DLK1: variants seen among roughly 807,000 people sequenced by gnomAD.
DLK1 encodes the protein delta like non-canonical Notch ligand 1, also known as protein delta homolog 1.
In DLK1, 9 loss-of-function variants were observed where a neutral mutation model predicts 35.2. The ratio of observed to expected loss-of-function variants is 0.26; its 90% confidence interval spans 0.15 to 0.45. The LOEUF is 0.45. Among genes scored for constraint, DLK1 ranks in the 20% least tolerant of loss-of-function variants. DLK1 has a pLI of 1.00. For missense variants in DLK1, 522 were observed against 528.5 expected, an observed-to-expected ratio of 0.99 and a Z score of 0.12; for synonymous variants, 231 against 228.4, an observed-to-expected ratio of 1.01 and a Z score of -0.10.
chr14:100,731,990 C>T (rs915129820), intron 3 of DLK1, 52 bp from the exon 4 acceptor site: 33 of 1,559,400 alleles, frequency 2.1e-5, no homozygotes, highest in East Asian at 6.9e-5. Context: ...GCCCGCATCA[C>T]GCTCGTGTAT....
chr14:100,728,447 A>G lies in DLK1; in HGVS notation c.119A>G (p.Asp40Gly). ...CCCCAAAATGGATTCTGCGAGGATGACAATGTTTGCAGGTAATAGAGTGGC... is the reference window on the plus strand; with the variant it reads ...CCCCAAAATGGATTCTGCGAGGATGGCAATGTTTGCAGGTAATAGAGTGGC... ...CNPQNGFCED[D>G]NVCRCQPGWQ... The change falls in exon 2 of 5, where the codon GAC (aspartate) becomes GGC (glycine). Residue 40 changes from aspartate (D) to glycine (G), a missense_variant. Physicochemically the swap from Asp to Gly is moderately conservative, Grantham distance 94 (BLOSUM62 -1). Coordinates refer to ENST00000341267, the MANE Select transcript of DLK1 (RefSeq NM_003836.7). 6.2e-7 allele frequency: 1 copy of G among 1,613,930 alleles called. No homozygotes were observed.
At chr14:100,732,944 G>C (rs921809256) in intron 4 of DLK1, among the ~76,000 whole-genome samples, 1 of 152,172 alleles carries the variant, frequency 6.6e-6, no homozygotes, top group African/African-American at 2.4e-5. Flanking sequence ...CCTGTAGTTG[G>C]GGGGCAGGGG....
chr14:100,736,796 CA>C lies in DLK1; in HGVS notation c.*1905del. 2 of 152,262 alleles carry C rather than the reference CA, an allele frequency of 1.3e-5. No individual in the cohort carries two copies. Among genetic ancestry groups the C allele is most frequent in the African/African-American group, 2.4e-5 (1 of 41,254 alleles). 9.4% of individuals were successfully genotyped at this position (152,262 alleles called of 1,614,324 possible). On this transcript the variant is annotated 3_prime_UTR_variant, in exon 5 of 5. Coordinates refer to ENST00000341267, the MANE Select transcript of DLK1 (RefSeq NM_003836.7). ...TCCCCAGCCCCTCCCAGCCTCACCC[CA>C]AAAACCCTGTCACCCCACCGACCAC...
At chr14:100,733,661 G>A (rs1310472790) in intron 4 of DLK1, among the ~76,000 whole-genome samples, 4 of 152,172 alleles carry the variant, frequency 2.6e-5, no homozygotes, top group Non-Finnish European at 4.4e-5. Flanking sequence ...AGTGAGGGGC[G>A]CCCCTTGCTT....
intron 3 of DLK1, among the ~76,000 whole-genome samples, chr14:100,731,132 AG>A (rs1054058063): frequency 3.9e-5 from 6 of 152,188 alleles, no homozygotes; most frequent in African/African-American, 1.4e-4. Flanking sequence ...ACTGAGGCCC[AG>A]AATGGGTAGG....
chr14:100,732,570 G>A (rs946909926), intron 4 of DLK1, among the ~76,000 whole-genome samples: 1 of 152,196 alleles, frequency 6.6e-6, no homozygotes, highest in Non-Finnish European at 1.5e-5. Context: ...GGTGGTTTTG[G>A]GGAACTGGTG....
rs747847792 is a variant in DLK1 at position 100,734,409 on chromosome 14, C to G, written c.665C>G (p.Thr222Ser). The G allele has an allele frequency of 6.2e-7, 1 of 1,611,752 alleles. No homozygotes were observed. Among genetic ancestry groups the G allele is most frequent in the South Asian group, 1.1e-5 (1 of 90,992 alleles). ...AGCAGCCCGTGCCAGAACGGGGGCA[C>G]CTGCCTGCAGCACACCCAGGTGAGC... is the stretch of plus-strand genomic sequence containing the variant. ...CASSPCQNGG[T>S]CLQHTQVSYE... Residue 222 changes from threonine (T) to serine (S), a missense_variant, in exon 5 of 5, where the codon ACC (threonine) becomes AGC (serine). Thr to Ser is a moderately conservative substitution (Grantham distance 58). Transcript: ENST00000341267. The surrounding 1 kb of genome is among the most constrained non-coding windows in gnomAD (Gnocchi z 7.4).
intron 1 of DLK1, among the ~76,000 whole-genome samples, chr14:100,728,178 G>A (rs1168948370): frequency 1.3e-5 from 2 of 152,166 alleles, no homozygotes; most frequent in African/African-American, 4.8e-5. Flanking sequence ...GTGTACTGTG[G>A]TCATTTCATT....
intron 1 of DLK1, 27 bp downstream of exon 1, chr14:100,727,162 G>GC: frequency 1.3e-6 from 2 of 1,539,124 alleles, no homozygotes; most frequent in Non-Finnish European, 1.7e-6. Context: ...CCCGGCTCGC[G>GC]CCCCCTCTGG....
intron 1 of DLK1, among the ~76,000 whole-genome samples, 177 bp downstream of exon 1, chr14:100,727,312 C>G (rs1180705043): frequency 1.3e-5 from 2 of 152,202 alleles, no homozygotes; most frequent in African/African-American, 2.4e-5. Flanking sequence ...TGCCAAGGCC[C>G]GTCCCAGGGG....
intron 1 of DLK1, among the ~76,000 whole-genome samples, chr14:100,727,808 C>T (rs1187531967): frequency 2.6e-5 from 4 of 152,014 alleles, no homozygotes; most frequent in African/African-American, 4.8e-5. Context: ...AACCTCAGCC[C>T]GCTAAGCAAA....
In DLK1 at chr14:100,734,759, T is replaced by A. The variant is rs756821232; in HGVS notation, c.1015T>A (p.Tyr339Asn). The change falls in exon 5 of 5, where the codon TAC (tyrosine) becomes AAC (asparagine). Residue 339 changes from tyrosine (Y) to asparagine (N), a missense_variant. Transcript: ENST00000341267. The surrounding 1 kb of genome is among the most constrained non-coding windows in gnomAD (Gnocchi z 7.4). ...CGAGACCTGGGTGTCCAACCTGCGC[T>A]ACAACCACATGCTGCGGAAGAAGAA... The part of the protein sequence containing the change: ...KCETWVSNLR[Y>N]NHMLRKKKNL... 13 of 1,614,042 alleles carry A rather than the reference T, an allele frequency of 8.1e-6. No homozygotes were observed. In the South Asian group the frequency reaches 1.3e-4, roughly 16 times the overall value.
rs755106790 is a variant in DLK1 at position 100,737,704 on chromosome 14, C to G, written c.*2808C>G. 1 of 152,296 alleles carries G rather than the reference C, an allele frequency of 6.6e-6. No individual in the cohort carries two copies. The highest frequency in any genetic ancestry group is 1.5e-5 in the Non-Finnish European group (1 of 68,128). The allele number at this position is 152,296 out of a possible 1,614,324, so 9.4% of individuals were successfully genotyped here. A position where few individuals can be genotyped will look rare whatever the true frequency, so the allele number is the denominator to read the frequency against. On this transcript the variant is annotated 3_prime_UTR_variant, in exon 5 of 5. Coordinates refer to ENST00000341267, the MANE Select transcript of DLK1 (RefSeq NM_003836.7). ...GTCCCCAGGGAGCCCAGCGCGGTGC[C>G]GGTCACATGCCGTGGGAGTGGAGGG...
intron 1 of DLK1, among the ~76,000 whole-genome samples, chr14:100,728,087 G>A (rs573320864): frequency 6.6e-6 from 1 of 152,328 alleles, no homozygotes; most frequent in South Asian, 2.1e-4. Context: ...CGTCCCCGCT[G>A]TTAGGAGGAC....
At position 100,734,402 on chromosome 14, in the gene DLK1, G is replaced by A. The variant is rs774129295; in HGVS notation, c.658G>A (p.Gly220Arg). 9 of 1,611,594 alleles carry A rather than the reference G, an allele frequency of 5.6e-6. No individual in the cohort carries two copies. Among genetic ancestry groups the A allele is most frequent in the Non-Finnish European group, 5.9e-6 (7 of 1,178,962 alleles). ...TNCASSPCQN[G>R]GTCLQHTQVS... ...CTGCGCCAGCAGCCCGTGCCAGAAC[G>A]GGGGCACCTGCCTGCAGCACACCCA... Residue 220 changes from glycine (G) to arginine (R), a missense_variant, in exon 5 of 5, where the codon GGG becomes AGG. Coordinates refer to ENST00000341267, the MANE Select transcript of DLK1 (RefSeq NM_003836.7). This position sits in a 1 kb window ranked among gnomAD's most constrained non-coding sequence, Gnocchi z 7.4.
At chr14:100,732,290 G>A in intron 4 of DLK1, 107 bp downstream of exon 4, 1 of 1,495,852 alleles carries the variant, frequency 6.7e-7, no homozygotes, top group Non-Finnish European at 9.0e-7. Flanking sequence ...AAAAGATGAA[G>A]TAAGCGCTCA....
rs779307967 is a variant in DLK1 at position 100,729,089 on chromosome 14, C to G, written c.262+23C>G. ...GAGGTTGGCACTCGCCTTTGTTCAC[C>G]TCAGCTCTGCGTCCTTACCTGCCTG... On this transcript the variant is annotated intron_variant, in intron 3 of 4. Coordinates refer to ENST00000341267, the MANE Select transcript of DLK1 (RefSeq NM_003836.7). The G allele has an allele frequency of 4.3e-6, 7 of 1,612,738 alleles. No individual in the cohort carries two copies. In the South Asian group the frequency reaches 7.7e-5, roughly 18 times the overall value.
intron 3 of DLK1, among the ~76,000 whole-genome samples, chr14:100,730,187 C>G (rs1456981782): frequency 6.6e-6 from 1 of 152,212 alleles, no homozygotes; most frequent in African/African-American, 2.4e-5. Context: ...CCGCAGCTGA[C>G]TCATGCTCTG....
At chr14:100,732,261 G>A in intron 4 of DLK1, 78 bp downstream of exon 4, 1 of 1,536,506 alleles carries the variant, frequency 6.5e-7, no homozygotes. Flanking sequence ...GCCTAACCCT[G>A]CTGGACCTGT....
Sources: allele counts gnomAD v4.1 joint callset (sites outside exome capture counted in the v4.1 genomes callset), GRCh38; gene constraint gnomAD v4.1.1; non-coding constraint Gnocchi (gnomAD v3.1); transcripts MANE v1.5; gene names NCBI Gene and HGNC (gene_info 2026-07-23, HGNC 2026-07-21).